PTPN21: variants seen among roughly 807,000 people sequenced by gnomAD.
The protein encoded by PTPN21 is protein tyrosine phosphatase non-receptor type 21, also known as tyrosine-protein phosphatase non-receptor type 21.
Under a neutral mutation model 131.8 loss-of-function variants are expected in PTPN21, and 77 were observed. The ratio of observed to expected loss-of-function variants is 0.58; its 90% CI spans 0.49 to 0.71. The LOEUF (loss-of-function observed/expected upper bound fraction) is 0.71. Among genes scored for constraint, PTPN21 ranks in the 30% least tolerant of loss-of-function variants. The pLI is 0.00. For missense variants in PTPN21, 1,552 were observed against 1,527.1 expected (o/e 1.02, Z -0.27); for synonymous variants, 715 against 621.3 (o/e 1.15, Z -2.24).
intron 15 of PTPN21, chr14:88,470,363 G>A (rs2077442166): frequency 9.9e-6 from 3 of 302,496 alleles, no homozygotes; most frequent in Non-Finnish European, 1.9e-5. Flanking sequence ...GGGTCATTGT[G>A]AGGACTGAGT....
intron 11 of PTPN21, 142 bp downstream of exon 11, chr14:88,485,640 T>A (rs1182157033): frequency 1.3e-5 from 7 of 520,678 alleles, no homozygotes; most frequent in Middle Eastern, 4.0e-4. Flanking sequence ...TGGGAAAAAA[T>A]TACCATTTCT....
At chr14:88,475,697 T>C (rs73329676) in intron 13 of PTPN21, among the ~76,000 whole-genome samples, 104 of 152,346 alleles carry the variant, frequency 6.8e-4, no homozygotes, top group African/African-American at 2.4e-3. Flanking sequence ...AATACTCCCA[T>C]CACAGCCAAT....
In PTPN21 at chr14:88,501,338, C is replaced by G. The variant is rs780317632; in HGVS notation, c.618G>C (p.Leu206=). The stretch of plus-strand genomic sequence containing the variant: ...CCATTCTCTCTACCTCCTGCATGTA[C>G]AGCATTTCAGCATCAGGAGCTGTGA... ...RGLTAPDAEM[L]YMQEVERMDG... is the part of the protein sequence containing the mutation. The change falls in exon 7 of 19, where the codon CTG becomes CTC. Residue 206 remains leucine, a synonymous_variant. Transcript: ENST00000556564. 1 of 1,614,072 alleles carries G rather than the reference C, an allele frequency of 6.2e-7. No homozygotes were observed. The highest frequency in any genetic ancestry group is 1.1e-5 in the South Asian group (1 of 91,076).
chr14:88,509,018 A>C (rs2078139396), intron 3 of PTPN21, among the ~76,000 whole-genome samples: 1 of 152,172 alleles, frequency 6.6e-6, no homozygotes, highest in African/African-American at 2.4e-5. Context: ...CAGTAAAATG[A>C]GGGTACCATC....
At position 88,467,755 on chromosome 14, in the gene PTPN21, A is replaced by G. The variant is rs757153938; in HGVS notation, c.*382T>C. 1 of 180,186 alleles carries G rather than the reference A, an allele frequency of 5.5e-6. No homozygotes were observed. The allele number at this position is 180,186 out of a possible 1,614,324, so 11.2% of individuals were successfully genotyped here. A position where few individuals can be genotyped will look rare whatever the true frequency, so the allele number is the denominator to read the frequency against. ...ATATTTGTCATAAAATAAAAACTCC[A>G]TTATCAAAAATTAGTTTAAGATAGA... On this transcript the variant is annotated 3_prime_UTR_variant, in exon 19 of 19. Transcript: ENST00000556564.
At chr14:88,538,898 A>G (rs976170938) in intron 2 of PTPN21, among the ~76,000 whole-genome samples, 6 of 152,250 alleles carry the variant, frequency 3.9e-5, no homozygotes, top group African/African-American at 1.4e-4. Flanking sequence ...AAGCAAAAAC[A>G]TTTAAAGCAC....
At position 88,479,900 on chromosome 14, in the gene PTPN21, G is replaced by A; in HGVS notation, c.1531C>T (p.Pro511Ser). Residue 511 changes from proline (P) to serine (S), a missense_variant, in exon 13 of 19, where the codon CCG becomes TCG. Physicochemically the swap from Pro to Ser is moderately conservative, Grantham distance 74. This residue lies in a region of PTPN21 where 1,016 missense variants were observed against 883.5 expected (regional missense o/e 1.15). Transcript: ENST00000556564. Reference sequence around the variant, plus strand: ...TGGAAGCTGTAGCTCAGGCTGAACGGGCAGTGTGCGGCCGCTGGCGAGGGG... The same window carrying A: ...TGGAAGCTGTAGCTCAGGCTGAACGAGCAGTGTGCGGCCGCTGGCGAGGGG... ...QLPSPAAAHC[P>S]FSLSYSFHSP... The A allele has an allele frequency of 6.3e-7, 1 of 1,596,518 alleles. No homozygotes were observed. The highest frequency in any genetic ancestry group is 1.1e-5 in the South Asian group (1 of 90,092).
At chr14:88,488,899 G>A (rs2077777147) in intron 10 of PTPN21, among the ~76,000 whole-genome samples, 1 of 152,296 alleles carries the variant, frequency 6.6e-6, no homozygotes, top group South Asian at 2.1e-4. Flanking sequence ...CTGTGCTAAG[G>A]ACTGTACATG....
intron 13 of PTPN21, among the ~76,000 whole-genome samples, chr14:88,475,318 T>TG (rs528659404): frequency 1.1e-4 from 17 of 152,344 alleles, no homozygotes; most frequent in African/African-American, 4.1e-4. Flanking sequence ...AAAAGATTGC[T>TG]GCTGTAATTG....
chr14:88,541,658 A>G (rs1046764596), intron 2 of PTPN21, among the ~76,000 whole-genome samples: 1 of 152,156 alleles, frequency 6.6e-6, no homozygotes, highest in Non-Finnish European at 1.5e-5. Flanking sequence ...TTTTTCCTTA[A>G]TAGTAAGTTG....
intron 2 of PTPN21, among the ~76,000 whole-genome samples, chr14:88,527,559 C>G (rs977973639): frequency 3.9e-5 from 6 of 152,144 alleles, no homozygotes; most frequent in Non-Finnish European, 7.4e-5. Context: ...GGATATTAGT[C>G]CTTTGTCAGA....
At chr14:88,528,964 C>T (rs2078518371) in intron 2 of PTPN21, among the ~76,000 whole-genome samples, 1 of 152,128 alleles carries the variant, frequency 6.6e-6, no homozygotes, top group South Asian at 2.1e-4. Flanking sequence ...GATTTGGATG[C>T]CCTTTCTTTC....
chr14:88,512,272 T>G (rs777546226), intron 3 of PTPN21: 1 of 152,200 alleles, frequency 6.6e-6, no homozygotes, highest in Non-Finnish European at 1.5e-5. Context: ...AACTACATTT[T>G]TATCACACCC....
At chr14:88,533,609 G>T (rs2078584281) in intron 2 of PTPN21, among the ~76,000 whole-genome samples, 1 of 152,172 alleles carries the variant, frequency 6.6e-6, no homozygotes, top group Admixed American at 6.5e-5. Flanking sequence ...TAGGCCAGGT[G>T]CAGTAGCTCC....
At chr14:88,475,740 CA>C (rs1174592441) in intron 13 of PTPN21, among the ~76,000 whole-genome samples, 1 of 152,204 alleles carries the variant, frequency 6.6e-6, no homozygotes, top group Non-Finnish European at 1.5e-5. Flanking sequence ...AATTGGCTCA[CA>C]AGGTTCCTGA....
chr14:88,514,469 CTT>C (rs555587081), intron 3 of PTPN21, among the ~76,000 whole-genome samples: 3 of 140,726 alleles, frequency 2.1e-5, no homozygotes. Flanking sequence ...TTTCTTTTTT[CTT>C]TTTTTTTTTT....
intron 2 of PTPN21, among the ~76,000 whole-genome samples, chr14:88,542,800 T>C (rs1183728837): frequency 6.6e-6 from 1 of 152,200 alleles, no homozygotes; most frequent in Non-Finnish European, 1.5e-5. Context: ...TGGGAAAGCT[T>C]TCTCTATCTA....
chr14:88,476,291 A>AT (rs943099255), intron 13 of PTPN21, among the ~76,000 whole-genome samples: 1 of 152,242 alleles, frequency 6.6e-6, no homozygotes, highest in African/African-American at 2.4e-5. Flanking sequence ...CTTGAAAGCC[A>AT]TTAAGTTAAA....
At chr14:88,501,392 T>C in intron 6 of PTPN21, 24 bp from the exon 7 acceptor site, 1 of 1,592,290 alleles carries the variant, frequency 6.3e-7, no homozygotes, top group Non-Finnish European at 8.6e-7. Context: ...GAAGCAAGAT[T>C]GTTCACAAAG....
Sources: gnomAD v4.1 joint callset for allele counts (sites outside exome capture counted in the v4.1 genomes callset) on GRCh38, gnomAD v4.1.1 for gene constraint, gnomAD v4.1.1 regional missense constraint, MANE v1.5 for transcripts, NCBI Gene and HGNC (gene_info 2026-07-23, HGNC 2026-07-21) for gene names.